The following TUBA3C variants were observed in gnomAD, a reference collection of about 807,000 sequenced individuals.
TUBA3C encodes the protein tubulin alpha-3C chain.
A neutral mutation model predicts 33.4 loss-of-function variants in TUBA3C; 23 were observed. The ratio of observed to expected loss-of-function variants is 0.69; its 90% CI spans 0.50 to 0.98. TUBA3C has a LOEUF of 0.98. Ranked by LOEUF, TUBA3C falls within the 50% of genes least tolerant of loss-of-function variation. TUBA3C has a pLI of 0.00. For missense variants in TUBA3C, 402 were observed against 616.0 expected (o/e 0.65, Z 3.68); for synonymous variants, 269 against 250.4 (o/e 1.07, Z -0.70).
intron 4 of TUBA3C, among the ~76,000 whole-genome samples, chr13:19,175,496 C>T (rs1202265856): frequency 6.6e-6 from 1 of 152,132 alleles, no homozygotes; most frequent in Non-Finnish European, 1.5e-5. Flanking sequence ...CTGGCTCAGA[C>T]CCCCACCGTC....
At chr13:19,175,218 C>G (rs1869137742) in intron 4 of TUBA3C, among the ~76,000 whole-genome samples, 1 of 152,126 alleles carries the variant, frequency 6.6e-6, no homozygotes, top group Admixed American at 6.5e-5. Flanking sequence ...CGCCACTGCA[C>G]TCCAGCCTGG....
chr13:19,175,015 G>A (rs1284246833), intron 4 of TUBA3C, among the ~76,000 whole-genome samples: 4 of 152,140 alleles, frequency 2.6e-5, no homozygotes, highest in African/African-American at 7.2e-5. Flanking sequence ...TTGGCAGGCC[G>A]AGGTGGACAG....
chr13:19,179,276 G>C, intron 2 of TUBA3C, 65 bp downstream of exon 2: 2 of 1,599,012 alleles, frequency 1.3e-6, no homozygotes, highest in Non-Finnish European at 1.7e-6. Flanking sequence ...AGCCCACATG[G>C]GGCCTTACCG....
intron 3 of TUBA3C, 66 bp downstream of exon 3, chr13:19,178,180 C>T (rs1021601135): frequency 3.0e-5 from 47 of 1,590,814 alleles, no homozygotes; most frequent in Middle Eastern, 1.7e-4. Flanking sequence ...AAATGACCTC[C>T]CCTTCACAAT....
rs5802006 is a variant in TUBA3C, at chr13:19,177,846, G to GTTTTTTTTT, written c.376-248_376-240dup. Among the ~76,000 whole-genome samples, 50 of 128,526 alleles carry GTTTTTTTTT rather than the reference G, an allele frequency of 3.9e-4. No individual in the cohort carries two copies. The highest frequency in any genetic ancestry group is 1.3e-3 in the South Asian group (5 of 3,838). The allele number at this position is 128,526 out of a possible 152,430, so 84.3% of individuals were successfully genotyped here. A position where few individuals can be genotyped will look rare whatever the true frequency, so the allele number is the denominator to read the frequency against. On this transcript the variant is annotated intron_variant, in intron 3 of 4. Coordinates refer to ENST00000400113, the MANE Select transcript of TUBA3C (RefSeq NM_006001.3). This position sits in a 1 kb window ranked among gnomAD's most constrained non-coding sequence, Gnocchi z 5.0. ...AGGACTCAAGATACTGTTCTAAGTT[G>GTTTTTTTTT]TTTTTTTTTTTTTTTTTTTAGATAG... is the stretch of plus-strand genomic sequence containing the variant.
At chr13:19,179,742 T>G (rs867610453) in intron 1 of TUBA3C, among the ~76,000 whole-genome samples, 179 bp from the exon 2 acceptor site, 8 of 152,190 alleles carry the variant, frequency 5.3e-5, no homozygotes, top group Non-Finnish European at 1.2e-4. Flanking sequence ...ACTTACTTGC[T>G]CTACACCATC....
chr13:19,175,109 G>A (rs1357198551), intron 4 of TUBA3C, among the ~76,000 whole-genome samples: 1 of 152,038 alleles, frequency 6.6e-6, no homozygotes, highest in Non-Finnish European at 1.5e-5. Flanking sequence ...AAAATTAGCC[G>A]GGTGTGGTGG....
At chr13:19,180,280 C>T (rs544654829) in intron 1 of TUBA3C, among the ~76,000 whole-genome samples, 40 of 152,200 alleles carry the variant, frequency 2.6e-4, no homozygotes, top group African/African-American at 9.6e-4. Context: ...CATAAAGTTA[C>T]CCTCTCAATT....
At chr13:19,181,041 T>A (rs1869396253) in intron 1 of TUBA3C, among the ~76,000 whole-genome samples, 1 of 150,106 alleles carries the variant, frequency 6.7e-6, no homozygotes, top group Non-Finnish European at 1.5e-5. Context: ...ATTCTTTATG[T>A]GAATGCGTTG....
intron 1 of TUBA3C, among the ~76,000 whole-genome samples, chr13:19,180,638 A>G (rs1869369818): frequency 6.6e-6 from 1 of 151,838 alleles, no homozygotes; most frequent in South Asian, 2.1e-4. Context: ...CGTAGCTGGG[A>G]CTACAGGCCA....
chr13:19,174,551 G>A (rs919877834), intron 4 of TUBA3C, among the ~76,000 whole-genome samples: 40 of 152,082 alleles, frequency 2.6e-4, no homozygotes, highest in African/African-American at 8.9e-4. Context: ...GGCATTTTGG[G>A]GAATCTTGTA....
At position 19,179,450 on chromosome 13, in the gene TUBA3C, A is replaced by T. The variant is rs755505505; in HGVS notation, c.117T>A (p.Asp39Glu). ...GIQPDGQMPS[D>E]KTIGGGDDSF... is the part of the protein sequence containing the mutation. ...AGTCGTCCCCACCACCAATGGTTTT[A>T]TCACTTGGCATCTGACCATCGGGCT... Residue 39 changes from aspartate to glutamate, a missense_variant, in exon 2 of 5, where the codon GAT becomes GAA. Physicochemically the swap from Asp to Glu is conservative, Grantham distance 45 (BLOSUM62 2). Transcript: ENST00000400113. The T allele has an allele frequency of 6.2e-7, 1 of 1,614,068 alleles. No homozygotes were observed. Among genetic ancestry groups the T allele is most frequent in the Admixed American group, 1.7e-5 (1 of 60,014 alleles).
At position 19,174,024 on chromosome 13, in the gene TUBA3C, T is replaced by C. The variant is rs1417811337; in HGVS notation, c.1192A>G (p.Met398Val). 1.9e-6 allele frequency: 3 copies of C among 1,612,092 alleles called. No individual in the cohort carries two copies. The highest frequency in any genetic ancestry group is 2.5e-6 in the Non-Finnish European group (3 of 1,178,744). Residue 398 changes from methionine to valine, a missense_variant, in exon 5 of 5, where the codon ATG (methionine) becomes GTG (valine). Physicochemically the swap from Met to Val is conservative, Grantham distance 21. Transcript: ENST00000400113. ...TGCACAAAGGCCCGCTTGGCATACATGAGATCGAACTTATGGTCCAGGCGA... is the reference window on the plus strand; with the variant it reads ...TGCACAAAGGCCCGCTTGGCATACACGAGATCGAACTTATGGTCCAGGCGA... The part of the protein sequence containing the change: ...WARLDHKFDL[M>V]YAKRAFVHWY...
chr13:19,179,218 T>C, intron 2 of TUBA3C, 123 bp downstream of exon 2: 1 of 1,438,654 alleles, frequency 7.0e-7, no homozygotes, highest in South Asian at 1.4e-5. Flanking sequence ...GTTAACACCA[T>C]GGGAATATGC....
intron 4 of TUBA3C, 40 bp downstream of exon 4, chr13:19,176,887 T>C: frequency 6.3e-7 from 1 of 1,595,872 alleles, no homozygotes; most frequent in African/African-American, 1.3e-5. Flanking sequence ...TGTCTGTTGC[T>C]TGCTGAAAGG....
At position 19,174,265 on chromosome 13, in the gene TUBA3C, C is replaced by A. The variant is rs527492822; in HGVS notation, c.1057-106G>T. 2.0e-5 allele frequency: 28 copies of A among 1,419,570 alleles called. No homozygotes were observed. In the South Asian group the frequency reaches 3.0e-4, roughly 15 times the overall value. The allele number at this position is 1,419,570 out of a possible 1,614,324, so 87.9% of individuals were successfully genotyped here. A position where few individuals can be genotyped will look rare whatever the true frequency, so the allele number is the denominator to read the frequency against. On this transcript the variant is annotated intron_variant, in intron 4 of 4. Coordinates refer to ENST00000400113, the MANE Select transcript of TUBA3C (RefSeq NM_006001.3). The stretch of plus-strand genomic sequence containing the variant: ...CACCCTGTAGGTGAACAGGAGAATT[C>A]TCAGTTCACCCCACAAATGTCACTA...
At chr13:19,178,702 G>C (rs976947589) in intron 2 of TUBA3C, among the ~76,000 whole-genome samples, 1 of 152,158 alleles carries the variant, frequency 6.6e-6, no homozygotes, top group Non-Finnish European at 1.5e-5. Context: ...TAATTCTACA[G>C]GTACATAATT....
In TUBA3C at chr13:19,177,415, T is replaced by A; in HGVS notation, c.568A>T (p.Thr190Ser). The A allele has an allele frequency of 6.2e-7, 1 of 1,613,990 alleles. No homozygotes were observed. Among genetic ancestry groups the A allele is most frequent in the Non-Finnish European group, 8.5e-7 (1 of 1,180,000 alleles). The change falls in exon 4 of 5, where the codon ACC becomes TCC. Residue 190 changes from threonine (T) to serine (S), a missense_variant. Coordinates refer to ENST00000400113, the MANE Select transcript of TUBA3C (RefSeq NM_006001.3). The surrounding 1 kb of genome is among the most constrained non-coding windows in gnomAD (Gnocchi z 5.0). Reference protein sequence around the residue: ...AVVEPYNSILTTHTTLEHSDC... With the variant: ...AVVEPYNSILSTHTTLEHSDC... ...GAATGTTCCAGGGTCGTGTGGGTGG[T>A]CAGGATGGAGTTGTAGGGCTCCACC...
chr13:19,180,747 G>C (rs935863615), intron 1 of TUBA3C, among the ~76,000 whole-genome samples: 12 of 151,918 alleles, frequency 7.9e-5, no homozygotes, highest in Non-Finnish European at 2.9e-5. Context: ...TGCCCGCCTT[G>C]GCCTCCCAAA....
Sources: allele counts gnomAD v4.1 joint callset (sites outside exome capture counted in the v4.1 genomes callset), GRCh38; gene constraint gnomAD v4.1.1; non-coding constraint Gnocchi (gnomAD v3.1); transcripts MANE v1.5; gene names NCBI Gene and HGNC (gene_info 2026-07-23, HGNC 2026-07-21).